SIDT2: variants seen among roughly 807,000 people sequenced by gnomAD.
The protein encoded by SIDT2 is SID1 transmembrane family member 2.
A neutral mutation model predicts 114.4 loss-of-function variants in SIDT2; 68 were observed. That is an observed-to-expected ratio of 0.59 (90% CI 0.49 to 0.73). SIDT2 has a LOEUF of 0.73. SIDT2 is among the 30% of genes least tolerant of loss of function. The probability of loss-of-function intolerance (pLI) is 0.00; values close to 1 mark genes in which losing one functional copy is unlikely to be tolerated. For synonymous variants in SIDT2, 470 were observed against 438.4 expected, an observed-to-expected ratio of 1.07 and a Z score of -0.90; for missense variants, 918 against 1,097.1, an observed-to-expected ratio of 0.84 and a Z score of 2.31.
chr11:117,196,358 C>T lies in SIDT2; in HGVS notation c.*292C>T. On this transcript the variant is annotated 3_prime_UTR_variant, in exon 26 of 26. Transcript: ENST00000324225. The surrounding 1 kb of genome is among the most constrained non-coding windows in gnomAD (Gnocchi z 4.9). ...CCTTCCATGGGCCCCTGTCCTTTGG[C>T]TCTCCATTTGTCCCTTTGCAAGAGG... The T allele has an allele frequency of 2.2e-6, 1 of 461,442 alleles. No individual in the cohort carries two copies. Among genetic ancestry groups the T allele is most frequent in the Non-Finnish European group, 4.0e-6 (1 of 252,786 alleles). 28.6% of individuals were successfully genotyped at this position (461,442 alleles called of 1,614,324 possible).
rs367633954 is a variant in SIDT2, at chr11:117,181,406, C to T, written c.184-10C>T. The T allele has an allele frequency of 1.8e-5, 29 of 1,613,224 alleles. No individual in the cohort carries two copies. In the East Asian group the frequency reaches 4.0e-4, roughly 22 times the overall value. On this transcript the variant is annotated splice_polypyrimidine_tract_variant and intron_variant, in intron 1 of 25. Transcript: ENST00000324225. ...AGAGGCTTGAGAGGCATTTCCATGT[C>T]GTTCTGCAGACAGAGGGCGTGCGTG...
At position 117,193,910 on chromosome 11, in the gene SIDT2, G is replaced by C; in HGVS notation, c.2269G>C (p.Val757Leu). Reference sequence around the variant, plus strand: ...CCTGCTCTGCATCGTTTGCACCTCCGTGGTCTGGGGCTTCGCGCTCTTCTT... The same window carrying C: ...CCTGCTCTGCATCGTTTGCACCTCCCTGGTCTGGGGCTTCGCGCTCTTCTT... ...IPLLCIVCTS[V>L]VWGFALFFFF... is the part of the protein sequence containing the mutation. Residue 757 changes from valine (V) to leucine (L), a missense_variant, in exon 24 of 26, where the codon GTG becomes CTG. Around this residue, in one of 4 missense-constraint regions of SIDT2, gnomAD observed 275 missense variants for 397.6 expected, o/e 0.69. Transcript: ENST00000324225. 1 of 1,614,110 alleles carries C rather than the reference G, an allele frequency of 6.2e-7. No individual in the cohort carries two copies. The highest frequency in any genetic ancestry group is 1.1e-5 in the South Asian group (1 of 91,088).
At position 117,188,732 on chromosome 11, in the gene SIDT2, C is replaced by T. The variant is rs2030591181; in HGVS notation, c.1184C>T (p.Thr395Ile). ...GGCCGCTCCTTTGAACCTGTAGGTA[C>T]TCGGCCCCGAGTGGACTCCATGAGC... The part of the protein sequence containing the change: ...YQGRSFEPVG[T>I]RPRVDSMSSV... The change falls in exon 13 of 26, where the codon ACT (threonine) becomes ATT (isoleucine). Residue 395 changes from threonine (T) to isoleucine (I), a missense_variant. Thr to Ile is a moderately conservative substitution (Grantham distance 89, BLOSUM62 -1). Around this residue, in one of 4 missense-constraint regions of SIDT2, gnomAD observed 553 missense variants for 600.1 expected, o/e 0.92. Coordinates refer to ENST00000324225, the MANE Select transcript of SIDT2 (RefSeq NM_001040455.2). The surrounding 1 kb of genome is among the most constrained non-coding windows in gnomAD (Gnocchi z 4.0). 1 of 1,614,066 alleles carries T rather than the reference C, an allele frequency of 6.2e-7. No individual in the cohort carries two copies. The highest frequency in any genetic ancestry group is 1.1e-5 in the South Asian group (1 of 91,090).
intron 22 of SIDT2, 108 bp from the exon 23 acceptor site, chr11:117,193,045 C>T (rs1437159411): frequency 7.3e-7 from 1 of 1,371,084 alleles, no homozygotes; most frequent in Non-Finnish European, 1.0e-6. Flanking sequence ...CTTCTGTGGG[C>T]TTCTGAACAC....
At chr11:117,187,248 TA>T in intron 10 of SIDT2, 129 bp from the exon 11 acceptor site, 1 of 992,050 alleles carries the variant, frequency 1.0e-6, no homozygotes. Context: ...TTTGCCTGGA[TA>T]GGTGCTGCTT....
Position 117,179,442 on chromosome 11 carries a change from A to G in SIDT2, c.179A>G (p.Asn60Ser), listed in dbSNP as rs1300002399. Residue 60 changes from asparagine (N) to serine (S), a missense_variant, in exon 1 of 26, where the codon AAC becomes AGC. By Grantham distance (46) the Asn-to-Ser change is conservative. Around this residue, in one of 4 missense-constraint regions of SIDT2, gnomAD observed 553 missense variants for 600.1 expected, o/e 0.92. Coordinates refer to ENST00000324225, the MANE Select transcript of SIDT2 (RefSeq NM_001040455.2). ...IYTFNHTVTR[N>S]RTEGVRVSVN... is the part of the protein sequence containing the mutation. ...ACCTTCAACCATACTGTGACCCGCA[A>G]CAGGGTGAGGGCTGGGGGCTTAGGG... 6.2e-7 allele frequency: 1 copy of G among 1,612,994 alleles called. No homozygotes were observed. The highest frequency in any genetic ancestry group is 1.3e-5 in the African/African-American group (1 of 75,050).
Position 117,188,008 on chromosome 11 carries a change from G to A in SIDT2, c.1159+309G>A, listed in dbSNP as rs1010990903. On this transcript the variant is annotated intron_variant, in intron 12 of 25. Transcript: ENST00000324225. The surrounding 1 kb of genome is among the most constrained non-coding windows in gnomAD (Gnocchi z 4.0). Reference sequence around the variant, plus strand: ...TTGCCAATCAGTGCCTGCCGGCTCCGGTTGACTGCCGGCTGTGGGGCCAGA... The same window carrying A: ...TTGCCAATCAGTGCCTGCCGGCTCCAGTTGACTGCCGGCTGTGGGGCCAGA... 1.3e-5 allele frequency: 8 copies of A among 597,672 alleles called. No individual in the cohort carries two copies. The highest frequency in any genetic ancestry group is 3.6e-5 in the East Asian group (1 of 27,480). 37.0% of individuals were successfully genotyped at this position (597,672 alleles called of 1,614,324 possible). A position where few individuals can be genotyped will look rare whatever the true frequency, so the allele number is the denominator to read the frequency against.
Position 117,188,905 on chromosome 11 carries a change from C to A in SIDT2, c.1278+79C>A. The A allele has an allele frequency of 7.2e-7, 1 of 1,396,666 alleles. No individual in the cohort carries two copies. Among genetic ancestry groups the A allele is most frequent in the Non-Finnish European group, 1.0e-6 (1 of 982,800 alleles). 86.5% of individuals were successfully genotyped at this position (1,396,666 alleles called of 1,614,324 possible). On this transcript the variant is annotated intron_variant, in intron 13 of 25. Transcript: ENST00000324225. The surrounding 1 kb of genome is among the most constrained non-coding windows in gnomAD (Gnocchi z 4.0). Reference sequence around the variant, plus strand: ...GCGTTCCCGCCCCAGCATGTTCCCACTGACGTGGCATTTAGGGAAGCAGAA... The same window carrying A: ...GCGTTCCCGCCCCAGCATGTTCCCAATGACGTGGCATTTAGGGAAGCAGAA...
chr11:117,196,584 C>T lies in SIDT2; in HGVS notation c.*518C>T. The T allele has an allele frequency of 5.9e-6, 1 of 169,290 alleles. No homozygotes were observed. The highest frequency in any genetic ancestry group is 1.3e-5 in the Non-Finnish European group (1 of 77,252). The allele number at this position is 169,290 out of a possible 1,614,324, so 10.5% of individuals were successfully genotyped here. A position where few individuals can be genotyped will look rare whatever the true frequency, so the allele number is the denominator to read the frequency against. On this transcript the variant is annotated 3_prime_UTR_variant, in exon 26 of 26. Transcript: ENST00000324225. This position sits in a 1 kb window ranked among gnomAD's most constrained non-coding sequence, Gnocchi z 4.9. ...CCCTGGCTGCCATCACTGCCCATTC[C>T]AGTCAGCCAGGATGGATGGGGGTAT...
chr11:117,187,616 C>T lies in SIDT2; in HGVS notation c.1088-12C>T, dbSNP rs376129121. The T allele has an allele frequency of 9.3e-6, 15 of 1,614,056 alleles. No homozygotes were observed. The highest frequency in any genetic ancestry group is 1.2e-5 in the Non-Finnish European group (14 of 1,179,938). On this transcript the variant is annotated splice_polypyrimidine_tract_variant and intron_variant, in intron 11 of 25. Coordinates refer to ENST00000324225, the MANE Select transcript of SIDT2 (RefSeq NM_001040455.2). The stretch of plus-strand genomic sequence containing the variant: ...CTCTCCTTCCTGCCTCACCACTGAT[C>T]GTTCCCCACAGAGAATGTTTCTGGA...
intron 7 of SIDT2, 68 bp downstream of exon 7, chr11:117,183,946 G>A: frequency 6.6e-7 from 1 of 1,505,560 alleles, no homozygotes; most frequent in Non-Finnish European, 9.2e-7. Context: ...AGCAAGAAGA[G>A]CCTGCGTGGC....
chr11:117,193,053 C>G, intron 22 of SIDT2, 100 bp from the exon 23 acceptor site: 1 of 1,397,394 alleles, frequency 7.2e-7, no homozygotes, highest in South Asian at 1.2e-5. Flanking sequence ...GGCTTCTGAA[C>G]ACAGCCCAAC....
At position 117,181,490 on chromosome 11, in the gene SIDT2, GA is replaced by G; in HGVS notation, c.260del (p.Lys87ArgfsTer11). 6.2e-7 allele frequency: 1 copy of G among 1,613,904 alleles called. No individual in the cohort carries two copies. Among genetic ancestry groups the G allele is most frequent in the Non-Finnish European group, 8.5e-7 (1 of 1,179,964 alleles). ...CGCCGTTGCTGTTTGTGGTCCGCCA[GA>G]AGGAGGCTGTGGTGTCCTTCCAGGT... Reference protein sequence around the residue: ...GAPLLFVVRQKEAVVSFQVPL... With the variant: ...GAPLLFVVRQXEAVVSFQVPL... On this transcript the variant is annotated frameshift_variant, in exon 2 of 26. Transcript: ENST00000324225. LOFTEE classifies it high-confidence loss of function.
chr11:117,187,085 G>A lies in SIDT2; in HGVS notation c.1016-293G>A, dbSNP rs550164823. 1.2e-5 allele frequency: 18 copies of A among 1,451,130 alleles called. No homozygotes were observed. In the South Asian group the frequency reaches 1.5e-4, roughly 12 times the overall value. The allele number at this position is 1,451,130 out of a possible 1,614,324, so 89.9% of individuals were successfully genotyped here. A position where few individuals can be genotyped will look rare whatever the true frequency, so the allele number is the denominator to read the frequency against. ...CAGCACAGGGCTGTCTGGAGGGCTC[G>A]TGGGCGGGCCAGTGTTGTCTTTGTT... On this transcript the variant is annotated intron_variant, in intron 10 of 25. Transcript: ENST00000324225.
intron 12 of SIDT2, 99 bp downstream of exon 12, chr11:117,187,798 C>T: frequency 8.6e-7 from 1 of 1,157,574 alleles, no homozygotes; most frequent in Non-Finnish European, 1.3e-6. Context: ...GATGCTGGAA[C>T]CTGGGAAGGG....
At chr11:117,193,046 T>C in intron 22 of SIDT2, 107 bp from the exon 23 acceptor site, 2 of 1,378,600 alleles carry the variant, frequency 1.5e-6, no homozygotes, top group Non-Finnish European at 2.1e-6. Context: ...TTCTGTGGGC[T>C]TCTGAACACA....
intron 1 of SIDT2, 102 bp downstream of exon 1, chr11:117,179,548 C>G (rs369869908): frequency 2.7e-5 from 35 of 1,285,412 alleles, no homozygotes; most frequent in African/African-American, 1.2e-4. Context: ...CAGGAACGAG[C>G]TGTCCTGCTA....
At chr11:117,195,747 G>A (rs1591773799) in intron 24 of SIDT2, 55 bp from the exon 25 acceptor site, 2 of 1,589,172 alleles carry the variant, frequency 1.3e-6, no homozygotes, top group Non-Finnish European at 1.7e-6. Context: ...GATGGGTCTG[G>A]CCCTTGCCCT....
In SIDT2 at chr11:117,189,174, C is replaced by T. The variant is rs773598333; in HGVS notation, c.1284C>T (p.Tyr428=). 26 of 1,614,110 alleles carry T rather than the reference C, an allele frequency of 1.6e-5. No homozygotes were observed. Among genetic ancestry groups the T allele is most frequent in the African/African-American group, 4.0e-5 (3 of 74,946 alleles). ...SDKNVIRTKQ[Y]LYVADLARKD... is the part of the protein sequence containing the mutation. Reference sequence around the variant, plus strand: ...TGATTCCAGCTTCTCCCCAGCAATACCTCTATGTGGCTGACCTGGCACGGA... The same window carrying T: ...TGATTCCAGCTTCTCCCCAGCAATATCTCTATGTGGCTGACCTGGCACGGA... Residue 428 remains tyrosine (Y), a synonymous_variant, in exon 14 of 26, where the codon TAC becomes TAT. Transcript: ENST00000324225.
Sources: allele counts gnomAD v4.1 joint callset, GRCh38; gene constraint gnomAD v4.1.1; regional missense constraint gnomAD v4.1.1; non-coding constraint Gnocchi (gnomAD v3.1); transcripts MANE v1.5; gene names NCBI Gene and HGNC (gene_info 2026-07-23, HGNC 2026-07-21).